TBC1D5: variants seen among roughly 807,000 people sequenced by gnomAD.
TBC1D5 encodes TBC1 domain family member 5.
TBC1D5 carries 75 observed loss-of-function variants against 100.3 expected under a neutral mutation model. The observed-to-expected ratio is 0.75, with a 90% CI of 0.62 to 0.91. The LOEUF (loss-of-function observed/expected upper bound fraction) is 0.91, where lower values mean the gene tolerates loss of function less well. Among genes scored for constraint, TBC1D5 ranks in the 40% least tolerant of loss-of-function variants. The pLI is 0.00. For synonymous variants in TBC1D5, 323 were observed against 325.6 expected (o/e 0.99, Z 0.09); for missense variants, 910 against 942.4 (o/e 0.97, Z 0.45).
chr3:17,248,376 T>A (rs1331604322), intron 16 of TBC1D5, among the ~76,000 whole-genome samples: 1 of 152,230 alleles, frequency 6.6e-6, no homozygotes, highest in Non-Finnish European at 1.5e-5. Flanking sequence ...CTTGTTAATG[T>A]TGATATTTTG....
chr3:17,738,957 T>C (rs2077178967), intron 1 of TBC1D5, among the ~76,000 whole-genome samples: 1 of 152,218 alleles, frequency 6.6e-6, no homozygotes, highest in East Asian at 1.9e-4. Flanking sequence ...CACAGGTTTT[T>C]GAGAAAGCAT....
chr3:17,268,255 T>TA (rs1336650818), intron 15 of TBC1D5, among the ~76,000 whole-genome samples: 1 of 152,144 alleles, frequency 6.6e-6, no homozygotes, highest in East Asian at 1.9e-4. Flanking sequence ...TAATCTTTGA[T>TA]ACAGCTCTGC....
chr3:17,303,833 C>CTTTTTTTTTTT (rs140988557), intron 14 of TBC1D5, among the ~76,000 whole-genome samples: 2 of 84,520 alleles, frequency 2.4e-5, no homozygotes, highest in African/African-American at 9.9e-5. Flanking sequence ...CAATCTACCT[C>CTTTTTTTTTTT]TTTTTTTTTT....
At chr3:17,288,227 G>A (rs1195432515) in intron 15 of TBC1D5, among the ~76,000 whole-genome samples, 2 of 151,930 alleles carry the variant, frequency 1.3e-5, no homozygotes, top group Non-Finnish European at 2.9e-5. Flanking sequence ...TGAAAACCCC[G>A]TCCACTTGTG....
intron 4 of TBC1D5, among the ~76,000 whole-genome samples, chr3:17,411,179 G>A (rs1198198297): frequency 6.6e-6 from 1 of 151,486 alleles, no homozygotes; most frequent in Non-Finnish European, 1.5e-5. Context: ...ATTAAGAACT[G>A]CTGAAGGCTC....
At chr3:17,326,582 C>T (rs1023741644) in intron 13 of TBC1D5, among the ~76,000 whole-genome samples, 51 of 152,296 alleles carry the variant, frequency 3.3e-4, no homozygotes, top group African/African-American at 1.1e-3. Flanking sequence ...AAGCAATTCT[C>T]CTGCCTTAGC....
intron 3 of TBC1D5, among the ~76,000 whole-genome samples, chr3:17,451,079 C>T (rs919778791): frequency 2.0e-5 from 3 of 152,200 alleles, no homozygotes; most frequent in African/African-American, 7.2e-5. Context: ...CAATATTCAA[C>T]ATCCTTAAAG....
intron 13 of TBC1D5, among the ~76,000 whole-genome samples, chr3:17,361,251 T>C (rs1368177533): frequency 6.6e-6 from 1 of 151,948 alleles, no homozygotes; most frequent in Non-Finnish European, 1.5e-5. Context: ...AACTGTGCCA[T>C]TTGCATTGGG....
In TBC1D5 at chr3:17,267,196, G is replaced by A. The variant is rs144446444; in HGVS notation, c.1246-8605C>T. On this transcript the variant is annotated intron_variant, in intron 15 of 21. Transcript: ENST00000253692. The stretch of plus-strand genomic sequence containing the variant: ...ATGTATTTACATTTTTGAATTTAGC[G>A]TGCAGAAAGATGCCAGAGTAACATA... 3.4e-3 allele frequency among the ~76,000 whole-genome samples: 514 copies of A among 152,164 alleles called. 4 individuals carry two copies. The highest frequency in any genetic ancestry group is 0.011 in the African/African-American group (470 of 41,514).
At chr3:17,591,258 A>AAAC (rs2096768775) in intron 2 of TBC1D5, among the ~76,000 whole-genome samples, 1 of 120,294 alleles carries the variant, frequency 8.3e-6, no homozygotes, top group African/African-American at 3.4e-5. Context: ...AAAAAAAAAA[A>AAAC]AAAAAAAACA....
chr3:17,397,042 G>A (rs1437497424), intron 8 of TBC1D5, among the ~76,000 whole-genome samples: 1 of 151,980 alleles, frequency 6.6e-6, no homozygotes, highest in Non-Finnish European at 1.5e-5. Flanking sequence ...CTACTGTGAT[G>A]ACTAAAATTT....
At chr3:17,616,647 CTTCT>C (rs1193311756) in intron 2 of TBC1D5, among the ~76,000 whole-genome samples, 1 of 151,994 alleles carries the variant, frequency 6.6e-6, no homozygotes. Flanking sequence ...ATGTAATGGC[CTTCT>C]TTGTCTCTTT....
At chr3:17,301,671 T>C (rs115545705) in intron 14 of TBC1D5, among the ~76,000 whole-genome samples, 139 of 152,256 alleles carry the variant, frequency 9.1e-4, no homozygotes, top group African/African-American at 3.2e-3. Flanking sequence ...ACTTAGTTAG[T>C]GGTATTGATG....
chr3:17,676,706 C>A (rs1197405268), intron 1 of TBC1D5, among the ~76,000 whole-genome samples: 4 of 152,102 alleles, frequency 2.6e-5, no homozygotes, highest in Non-Finnish European at 4.4e-5. Context: ...CAATCCTAAG[C>A]AAAAAGCACA....
chr3:17,321,276 T>C (rs1327485343), intron 13 of TBC1D5, among the ~76,000 whole-genome samples: 1 of 152,126 alleles, frequency 6.6e-6, no homozygotes, highest in African/African-American at 2.4e-5. Context: ...GTTGCCCAGG[T>C]TGGTCTCAAA....
At chr3:17,322,359 T>A (rs1004660730) in intron 13 of TBC1D5, among the ~76,000 whole-genome samples, 2 of 152,238 alleles carry the variant, frequency 1.3e-5, no homozygotes, top group Non-Finnish European at 2.9e-5. Flanking sequence ...ATTTTATTTT[T>A]AAAAATAGAC....
chr3:17,353,320 A>G (rs2090853381), intron 13 of TBC1D5, among the ~76,000 whole-genome samples: 1 of 152,118 alleles, frequency 6.6e-6, no homozygotes, highest in African/African-American at 2.4e-5. Flanking sequence ...AGAAATAGTA[A>G]ACCTATTTCT....
intron 15 of TBC1D5, among the ~76,000 whole-genome samples, chr3:17,280,859 G>A (rs986912559): frequency 6.6e-6 from 1 of 152,238 alleles, no homozygotes; most frequent in Non-Finnish European, 1.5e-5. Flanking sequence ...AAAGCTAAAA[G>A]AGCATTGACT....
chr3:17,712,424 C>T (rs971440357), intron 1 of TBC1D5, among the ~76,000 whole-genome samples: 10 of 152,172 alleles, frequency 6.6e-5, no homozygotes, highest in Non-Finnish European at 1.3e-4. Context: ...TTGTTTCCCA[C>T]ATGCCAGTCC....
Sources: allele counts gnomAD v4.1 joint callset (sites outside exome capture counted in the v4.1 genomes callset), GRCh38; gene constraint gnomAD v4.1.1; transcripts MANE v1.5; gene names NCBI Gene and HGNC (gene_info 2026-07-23, HGNC 2026-07-21).